The following ABCB7 variants were observed in gnomAD, a reference collection of about 807,000 sequenced individuals.
ABCB7 encodes iron-sulfur clusters transporter ABCB7, mitochondrial.
ABCB7 carries 7 observed loss-of-function variants against 54.4 expected under a neutral mutation model. That is an observed-to-expected ratio of 0.13 (90% CI 0.07 to 0.24). ABCB7 has a LOEUF of 0.24. Ranked by LOEUF, ABCB7 falls within the 10% of genes least tolerant of loss-of-function variation. The pLI is 1.00. For synonymous variants in ABCB7, 218 were observed against 207.1 expected, an observed-to-expected ratio of 1.05 and a Z score of -0.45; for missense variants, 356 against 570.4, an observed-to-expected ratio of 0.62 and a Z score of 3.83.
At chrX:75,070,825 T>C in intron 9 of ABCB7, among the ~76,000 whole-genome samples, 1 of 111,382 alleles carries the variant, frequency 9.0e-6, no homozygotes, top group Middle Eastern at 4.6e-3. Context: ...TAGCAATGGT[T>C]TCTTTGTAGT....
At chrX:75,115,037 A>C (rs1229818785) in intron 1 of ABCB7, among the ~76,000 whole-genome samples, 3 of 110,629 alleles carry the variant, frequency 2.7e-5, no homozygotes, top group South Asian at 7.7e-4. Context: ...TGGGAGGCTA[A>C]GGCGGGCGGA....
rs1414195846 is a variant in ABCB7, at chrX:75,099,014, A to G, written c.381T>C (p.Tyr127=). 2.5e-6 allele frequency: 3 copies of G among 1,210,731 alleles called. No individual in the cohort carries two copies. Among genetic ancestry groups the G allele is most frequent in the Admixed American group, 2.2e-5 (1 of 46,037 alleles). ...TRKIIKAMLS[Y]VWPKDRPDLR... ...GATCTGGCCTGTCTTTGGGCCACAC[A>G]TAAGAAAGCATTGCTTTTATGATTT... Residue 127 remains tyrosine (Y), a synonymous_variant, in exon 4 of 16, where the codon TAT becomes TAC. Transcript: ENST00000373394.
intron 1 of ABCB7, among the ~76,000 whole-genome samples, chrX:75,143,248 C>T (rs934830487): frequency 1.8e-5 from 2 of 111,448 alleles, no homozygotes; most frequent in Admixed American, 9.5e-5. Flanking sequence ...CAAAGATCCA[C>T]GATTCTCTAG....
chrX:75,059,473 GA>G (rs1224754960), intron 15 of ABCB7, among the ~76,000 whole-genome samples: 21 of 95,283 alleles, frequency 2.2e-4, no homozygotes, highest in African/African-American at 6.1e-4. Flanking sequence ...CCTCAAAAAG[GA>G]AAAAAAAAAA....
At chrX:75,147,066 A>T (rs1286346624) in intron 1 of ABCB7, among the ~76,000 whole-genome samples, 2 of 111,705 alleles carry the variant, frequency 1.8e-5, no homozygotes, top group Admixed American at 9.5e-5. Context: ...AAAAAAAAAA[A>T]TGCTCAACAT....
rs776902447 is a variant in ABCB7, at chrX:75,051,936, C to T, written c.*1434G>A. ...TATAAAAGGAAATGAACTTTCTAAGCTTTTCAGATTACTCCCAGTATAGCA... is the reference window on the plus strand; with the variant it reads ...TATAAAAGGAAATGAACTTTCTAAGTTTTTCAGATTACTCCCAGTATAGCA... On this transcript the variant is annotated 3_prime_UTR_variant, in exon 16 of 16. Coordinates refer to ENST00000373394, the MANE Select transcript of ABCB7 (RefSeq NM_001271696.3). 1.8e-5 allele frequency: 2 copies of T among 112,288 alleles called. No homozygotes were observed. Among genetic ancestry groups the T allele is most frequent in the Non-Finnish European group, 3.8e-5 (2 of 53,254 alleles). The allele number at this position is 112,288 out of a possible 1,213,427, so 9.3% of individuals were successfully genotyped here.
At chrX:75,148,123 T>TA (rs1331652858) in intron 1 of ABCB7, among the ~76,000 whole-genome samples, 1 of 108,479 alleles carries the variant, frequency 9.2e-6, no homozygotes, top group African/African-American at 3.4e-5. Context: ...CGCAAAAAAA[T>TA]AAAAAATAAA....
chrX:75,115,232 C>A (rs1256231568), intron 1 of ABCB7, among the ~76,000 whole-genome samples: 1 of 84,860 alleles, frequency 1.2e-5, no homozygotes, highest in African/African-American at 4.6e-5. Flanking sequence ...CACGCCACTG[C>A]ACTCCAGCCT....
intron 1 of ABCB7, among the ~76,000 whole-genome samples, chrX:75,144,649 A>T (rs2082078937): frequency 9.2e-6 from 1 of 109,176 alleles, no homozygotes; most frequent in African/African-American, 3.3e-5. Context: ...GTATTTTCTA[A>T]TCTTTCAGTA....
At chrX:75,078,956 T>A (rs894015367) in intron 4 of ABCB7, among the ~76,000 whole-genome samples, 1 of 112,083 alleles carries the variant, frequency 8.9e-6, no homozygotes, top group African/African-American at 3.2e-5. Flanking sequence ...CCAATACACT[T>A]TCTTCAGTAG....
intron 4 of ABCB7, among the ~76,000 whole-genome samples, chrX:75,078,434 G>A (rs995792586): frequency 1.6e-4 from 18 of 111,147 alleles, no homozygotes; most frequent in African/African-American, 5.6e-4. Context: ...ATAAATTTGA[G>A]GGGTACAAGT....
chrX:75,133,932 C>T (rs761893043), intron 1 of ABCB7, among the ~76,000 whole-genome samples: 1 of 112,027 alleles, frequency 8.9e-6, no homozygotes, highest in South Asian at 3.7e-4. Flanking sequence ...ATCAAGCCTA[C>T]ATAAAAATCA....
At chrX:75,103,256 A>T (rs1316659924) in intron 3 of ABCB7, among the ~76,000 whole-genome samples, 1 of 111,649 alleles carries the variant, frequency 9.0e-6, no homozygotes, top group African/African-American at 3.2e-5. Flanking sequence ...TTCAAGTCTT[A>T]CATTTAAGTC....
intron 1 of ABCB7, among the ~76,000 whole-genome samples, chrX:75,142,733 T>A (rs1333066351): frequency 8.9e-6 from 1 of 112,147 alleles, no homozygotes; most frequent in East Asian, 2.8e-4. Context: ...TCATATAAAA[T>A]CCTGCACGTC....
rs756805681 is a variant in ABCB7, at chrX:75,096,559, T to G, written c.453+2383A>C. ...GTGTTCTTTTCCTTGGTGAACTCAC[T>G]AATTTGCATTGTTTCAACTGTCATC... On this transcript the variant is annotated intron_variant, in intron 4 of 15. Transcript: ENST00000373394. 1.2e-3 allele frequency among the ~76,000 whole-genome samples: 129 copies of G among 111,743 alleles called. No individual in the cohort carries two copies. The Middle Eastern group carries it at 0.014, about 12-fold the overall frequency.
chrX:75,104,684 A>G (rs1477227542), intron 3 of ABCB7, among the ~76,000 whole-genome samples: 1 of 111,366 alleles, frequency 9.0e-6, no homozygotes, highest in Non-Finnish European at 1.9e-5. Flanking sequence ...AATCCTCCGT[A>G]ACTCATTCTA....
At chrX:75,099,191 T>C (rs1165018237) in intron 3 of ABCB7, 130 bp from the exon 4 acceptor site, 3 of 740,384 alleles carry the variant, frequency 4.1e-6, no homozygotes, top group Non-Finnish European at 5.7e-6. Context: ...ATTCTGAATC[T>C]AAGGCTAATA....
At chrX:75,087,523 T>C (rs1246172236) in intron 4 of ABCB7, among the ~76,000 whole-genome samples, 1 of 112,102 alleles carries the variant, frequency 8.9e-6, no homozygotes, top group African/African-American at 3.2e-5. Context: ...CTGGCTTGTA[T>C]ATAAAGTTTG....
At chrX:75,104,047 G>GTTTTTTTGTTGTTTT (rs2081663659) in intron 3 of ABCB7, among the ~76,000 whole-genome samples, 1 of 13,443 alleles carries the variant, frequency 7.4e-5, no homozygotes, top group African/African-American at 1.6e-4. Context: ...TCTTGTTACA[G>GTTTTTTTGTTGTTTT]TTTTTTTTTT....
Sources: gnomAD v4.1 joint callset for allele counts (sites outside exome capture counted in the v4.1 genomes callset) on GRCh38, gnomAD v4.1.1 for gene constraint, MANE v1.5 for transcripts, NCBI Gene and HGNC (gene_info 2026-07-23, HGNC 2026-07-21) for gene names.